The following PAX7 variants were observed in gnomAD, a reference collection of about 807,000 sequenced individuals.
The protein encoded by PAX7 is paired box 7, also known as paired box protein Pax-7.
In PAX7, 18 loss-of-function variants were observed where a neutral mutation model predicts 50.7. That is an observed-to-expected ratio of 0.36 (90% CI 0.25 to 0.53). The LOEUF is 0.53. PAX7 is among the 20% of genes least tolerant of loss of function. PAX7 has a pLI of 0.93. For missense variants in PAX7, 644 were observed against 702.9 expected, an observed-to-expected ratio of 0.92 and a Z score of 0.95; for synonymous variants, 310 against 290.4, an observed-to-expected ratio of 1.07 and a Z score of -0.69.
intron 4 of PAX7, among the ~76,000 whole-genome samples, chr1:18,658,049 C>G (rs2088548181): frequency 6.6e-6 from 1 of 152,204 alleles, no homozygotes; most frequent in Admixed American, 6.5e-5. Context: ...CAGACAACAG[C>G]TTGTTAAAAG....
rs1268130256 is a variant in PAX7 at position 18,735,711 on chromosome 1, G to A, written c.1235G>A (p.Gly412Asp). Residue 412 changes from glycine to aspartate, a missense_variant, in exon 8 of 9, where the codon GGC (glycine) becomes GAC (aspartate). Gly to Asp is a moderately conservative substitution (Grantham distance 94). Coordinates refer to ENST00000420770, the MANE Select transcript of PAX7 (RefSeq NM_001135254.2). The surrounding 1 kb of genome is among the most constrained non-coding windows in gnomAD (Gnocchi z 4.0). The part of the protein sequence containing the change: ...ADFSISPLHG[G>D]LDSATSISAS... ...TTCTCCATCTCCCCGCTGCATGGCG[G>A]CCTGGACTCGGCCACCTCCATCTCA... 4 of 1,613,988 alleles carry A rather than the reference G, an allele frequency of 2.5e-6. No homozygotes were observed. The East Asian group carries it at 6.7e-5, about 27-fold the overall frequency.
In PAX7 at chr1:18,654,914, G is replaced by A. The variant is rs140068450; in HGVS notation, c.586+18543G>A. ...TTGAATCCAGGCCTCTCAGGCTTTG[G>A]GCCTGGGGCCTCCTATCACCCCTGG... On this transcript the variant is annotated intron_variant, in intron 4 of 8. Transcript: ENST00000420770. Among the ~76,000 whole-genome samples, 1,121 of 152,294 alleles carry A rather than the reference G, an allele frequency of 7.4e-3. 10 individuals are homozygous for A. Among genetic ancestry groups the A allele is most frequent in the Middle Eastern group, 0.014 (4 of 294 alleles).
At chr1:18,741,375 G>A (rs1010786802) in intron 8 of PAX7, among the ~76,000 whole-genome samples, 16 of 152,064 alleles carry the variant, frequency 1.1e-4, no homozygotes, top group African/African-American at 3.6e-4. Flanking sequence ...GCTTGAACTC[G>A]GGAGGCGGAG....
intron 7 of PAX7, among the ~76,000 whole-genome samples, chr1:18,729,771 A>G (rs901284553): frequency 1.3e-5 from 2 of 152,110 alleles, no homozygotes; most frequent in African/African-American, 4.8e-5. Context: ...ATAGGGGAGC[A>G]CACTCAGGCC....
chr1:18,667,347 TGGAAGGAA>T (rs781370357), intron 4 of PAX7, among the ~76,000 whole-genome samples: 1 of 132,656 alleles, frequency 7.5e-6, no homozygotes, highest in East Asian at 2.2e-4. Flanking sequence ...CTTCAGAGAG[TGGAAGGAA>T]GGAAGGAAGG....
In PAX7 at chr1:18,634,309, C is replaced by G; in HGVS notation, c.92C>G (p.Thr31Ser). The G allele has an allele frequency of 6.2e-7, 1 of 1,613,542 alleles. No individual in the cohort carries two copies. The highest frequency in any genetic ancestry group is 8.5e-7 in the Non-Finnish European group (1 of 1,179,810). ...TCTCCCCTCCCTTCTCCAGTGTCCA[C>G]CCCGCTTGGCCAAGGCCGGGTCAAT... ...PRTGFPLEVS[T>S]PLGQGRVNQL... Residue 31 changes from threonine to serine, a missense_variant, in exon 2 of 9, where the codon ACC becomes AGC. Transcript: ENST00000420770. This position sits in a 1 kb window ranked among gnomAD's most constrained non-coding sequence, Gnocchi z 4.0.
chr1:18,701,690 C>T (rs1424988770), intron 6 of PAX7, among the ~76,000 whole-genome samples: 2 of 152,184 alleles, frequency 1.3e-5, no homozygotes, highest in Admixed American at 6.5e-5. Flanking sequence ...GAGGGATTCC[C>T]CCCACTCTGG....
rs754515904 is a variant in PAX7, at chr1:18,735,808, A to C, written c.1332A>C (p.Pro444=). 6.2e-7 allele frequency: 1 copy of C among 1,613,946 alleles called. No individual in the cohort carries two copies. The highest frequency in any genetic ancestry group is 8.5e-7 in the Non-Finnish European group (1 of 1,179,994). Residue 444 remains proline (P), a synonymous_variant, in exon 8 of 9, where the codon CCA becomes CCC. Transcript: ENST00000420770. This position sits in a 1 kb window ranked among gnomAD's most constrained non-coding sequence, Gnocchi z 4.0. ...TGCCCACCTCCCAGGCCTACTGCCC[A>C]CCCACCTACAGCACCACCGGCTACA... ...DSLPTSQAYC[P]PTYSTTGYSV... is the part of the protein sequence containing the mutation.
chr1:18,713,275 C>T (rs1332065885), intron 7 of PAX7, among the ~76,000 whole-genome samples: 2 of 152,168 alleles, frequency 1.3e-5, no homozygotes, highest in East Asian at 3.9e-4. Context: ...GATGTTTCCA[C>T]ACACCACTGT....
intron 4 of PAX7, among the ~76,000 whole-genome samples, chr1:18,648,709 G>T (rs900414926): frequency 6.6e-6 from 1 of 152,108 alleles, no homozygotes; most frequent in Non-Finnish European, 1.5e-5. Flanking sequence ...CCCCACTGCC[G>T]GTCCAGACTC....
chr1:18,740,507 C>T (rs554665768), intron 8 of PAX7, among the ~76,000 whole-genome samples: 1 of 152,310 alleles, frequency 6.6e-6, no homozygotes, highest in African/African-American at 2.4e-5. Context: ...AGAAGGAGAA[C>T]GCTGATACCT....
intron 5 of PAX7, among the ~76,000 whole-genome samples, chr1:18,697,330 C>T (rs903006983): frequency 2.0e-5 from 3 of 152,154 alleles, no homozygotes; most frequent in Admixed American, 6.6e-5. Flanking sequence ...CCTTTTAGAG[C>T]GTTTATTTCC....
At position 18,688,154 on chromosome 1, in the gene PAX7, G is replaced by T. The variant is rs112680263; in HGVS notation, c.587-3600G>T. Among the ~76,000 whole-genome samples, 268 of 152,238 alleles carry T rather than the reference G, an allele frequency of 1.8e-3. 2 individuals are homozygous for T. Among genetic ancestry groups the T allele is most frequent in the African/African-American group, 6.1e-3 (252 of 41,540 alleles). ...CCTTAATATTTTACTATATCTAAAA[G>T]CACCTTTAAAAAACTAATTCAAGGA... On this transcript the variant is annotated intron_variant, in intron 4 of 8. Transcript: ENST00000420770.
intron 5 of PAX7, among the ~76,000 whole-genome samples, chr1:18,692,770 A>T (rs1242520101): frequency 6.6e-6 from 1 of 152,220 alleles, no homozygotes; most frequent in Non-Finnish European, 1.5e-5. Flanking sequence ...GCCTCAGGGC[A>T]GGGTGGGCAG....
chr1:18,713,056 G>C (rs758610680), intron 7 of PAX7, among the ~76,000 whole-genome samples: 8 of 152,044 alleles, frequency 5.3e-5, no homozygotes, highest in Non-Finnish European at 1.2e-4. Context: ...CCTTCAAGCC[G>C]GGGCAACAGA....
In PAX7 at chr1:18,642,936, G is replaced by A. The variant is rs565522581; in HGVS notation, c.586+6565G>A. On this transcript the variant is annotated intron_variant, in intron 4 of 8. Coordinates refer to ENST00000420770, the MANE Select transcript of PAX7 (RefSeq NM_001135254.2). ...ATGGGAAGGGGAGGGGCCTGGAGGA[G>A]GAAGAGACGGGGTCGAGGGCAAAGG... Among the ~76,000 whole-genome samples, 55 of 151,684 alleles carry A rather than the reference G, an allele frequency of 3.6e-4. No individual in the cohort carries two copies. In the East Asian group the frequency reaches 0.011, roughly 29 times the overall value.
rs1322036041 is a variant in PAX7, at chr1:18,708,398, T to A, written c.1155+5102T>A. Among the ~76,000 whole-genome samples the A allele has an allele frequency of 5.3e-5, 8 of 151,872 alleles. No homozygotes were observed. In the East Asian group the frequency reaches 1.4e-3, roughly 26 times the overall value. On this transcript the variant is annotated intron_variant, in intron 7 of 8. Transcript: ENST00000420770. ...AGCAAAACCCAGTGTCTACAAAAAATTTAAAAATTAGCCAGATACGGTGGG... is the reference window on the plus strand; with the variant it reads ...AGCAAAACCCAGTGTCTACAAAAAAATTAAAAATTAGCCAGATACGGTGGG...
At chr1:18,664,723 C>T (rs1036957841) in intron 4 of PAX7, among the ~76,000 whole-genome samples, 2 of 151,872 alleles carry the variant, frequency 1.3e-5, no homozygotes, top group African/African-American at 4.8e-5. Flanking sequence ...TAGTCCTATC[C>T]CCCCATTTTA....
chr1:18,695,386 C>A (rs2089138102), intron 5 of PAX7, among the ~76,000 whole-genome samples: 1 of 152,196 alleles, frequency 6.6e-6, no homozygotes, highest in Admixed American at 6.5e-5. Flanking sequence ...AGGCGCTGTT[C>A]TAGGCATTGG....
Sources: gnomAD v4.1 joint callset for allele counts (sites outside exome capture counted in the v4.1 genomes callset) on GRCh38, gnomAD v4.1.1 for gene constraint, Gnocchi (gnomAD v3.1) non-coding constraint, MANE v1.5 for transcripts, NCBI Gene and HGNC (gene_info 2026-07-23, HGNC 2026-07-21) for gene names.